SVIL: variants seen among roughly 807,000 people sequenced by gnomAD.
SVIL encodes the protein supervillin.
In SVIL, 101 loss-of-function variants were observed where a neutral mutation model predicts 240.4. The ratio of observed to expected loss-of-function variants is 0.42; its 90% CI spans 0.36 to 0.50. The LOEUF is 0.50. Ranked by LOEUF, SVIL falls within the 20% of genes least tolerant of loss-of-function variation. SVIL has a pLI of 0.01. For synonymous variants in SVIL, 999 were observed against 1,100.0 expected, an observed-to-expected ratio of 0.91 and a Z score of 1.82; for missense variants, 2,512 against 2,818.7, an observed-to-expected ratio of 0.89 and a Z score of 2.46.
intron 15 of SVIL, 70 bp from the exon 16 acceptor site, chr10:29,522,705 A>T (rs748246492): frequency 1.7e-5 from 25 of 1,512,938 alleles, no homozygotes; most frequent in Non-Finnish European, 2.2e-5. Flanking sequence ...TTCGCCCTCA[A>T]CAGTGCAGCT....
chr10:29,644,509 C>G (rs1280189344), intron 3 of SVIL, among the ~76,000 whole-genome samples: 1 of 152,110 alleles, frequency 6.6e-6, no homozygotes, highest in Non-Finnish European at 1.5e-5. Flanking sequence ...TGGCTATGCA[C>G]TCGGCCAACC....
chr10:29,495,211 A>G (rs1223576121), intron 18 of SVIL, 30 bp from the exon 19 acceptor site: 2 of 1,296,476 alleles, frequency 1.5e-6, no homozygotes, highest in Non-Finnish European at 2.2e-6. Context: ...GCTACTGAGC[A>G]TCTCAGGGTC....
chr10:29,552,680 C>T (rs1163104718), intron 5 of SVIL, among the ~76,000 whole-genome samples: 4 of 152,104 alleles, frequency 2.6e-5, no homozygotes, highest in Non-Finnish European at 4.4e-5. Flanking sequence ...TCCCATACGG[C>T]CTTTTTCATT....
At chr10:29,651,618 T>TTCTCTCTCTCTCTCTCTCTCTCTCTC (rs9299622) in intron 3 of SVIL, among the ~76,000 whole-genome samples, 9 of 135,426 alleles carry the variant, frequency 6.6e-5, no homozygotes, top group African/African-American at 1.7e-4. Flanking sequence ...GCCACATGCA[T>TTCTCTCTCTCTCTCTCTCTCTCTCTC]TCTCTCTCTC....
chr10:29,701,526 G>A (rs1208232996), intron 1 of SVIL, among the ~76,000 whole-genome samples: 2 of 151,922 alleles, frequency 1.3e-5, no homozygotes, highest in Non-Finnish European at 2.9e-5. Context: ...ATTGAAATAG[G>A]GAAATAAAAT....
At chr10:29,724,535 A>T (rs1964177519) in intron 1 of SVIL, among the ~76,000 whole-genome samples, 1 of 152,064 alleles carries the variant, frequency 6.6e-6, no homozygotes, top group Admixed American at 6.6e-5. Flanking sequence ...ACTATTTTTT[A>T]AAAAATAATT....
intron 6 of SVIL, among the ~76,000 whole-genome samples, chr10:29,546,438 C>T (rs944606922): frequency 6.6e-6 from 1 of 152,152 alleles, no homozygotes; most frequent in Non-Finnish European, 1.5e-5. Flanking sequence ...AGTTAAAAAT[C>T]CTGTAATATC....
rs73596037 is a variant in SVIL at position 29,509,892 on chromosome 10, C to A, written c.3516+2843G>T. Among the ~76,000 whole-genome samples the A allele has an allele frequency of 6.6e-3, 1,010 of 152,248 alleles. 10 individuals carry two copies. Among genetic ancestry groups the A allele is most frequent in the African/African-American group, 0.023 (954 of 41,550 alleles). On this transcript the variant is annotated intron_variant, in intron 17 of 37. Coordinates refer to ENST00000355867, the MANE Select transcript of SVIL (RefSeq NM_021738.3). ...AAAACTCCAGCTTAATATCTATTCA[C>A]AGGCCCAAAATTGTTTTTGTTTTTG...
intron 2 of SVIL, among the ~76,000 whole-genome samples, 192 bp from the exon 3 acceptor site, chr10:29,563,484 A>AT (rs1275965829): frequency 7.2e-5 from 11 of 152,122 alleles, no homozygotes; most frequent in Non-Finnish European, 1.5e-4. Context: ...TAAATATTTG[A>AT]TTTTTTGTGC....
intron 2 of SVIL, chr10:29,671,076 C>G (rs1036239887): frequency 6.6e-6 from 1 of 152,270 alleles, no homozygotes; most frequent in Non-Finnish European, 1.5e-5. Context: ...ACTGCAGGCA[C>G]CGACTTCACT....
At chr10:29,727,673 T>C (rs747346175) in intron 1 of SVIL, among the ~76,000 whole-genome samples, 1 of 150,522 alleles carries the variant, frequency 6.6e-6, no homozygotes, top group Middle Eastern at 3.4e-3. Flanking sequence ...TATTTCGGCA[T>C]GGGTAAACAT....
At chr10:29,515,378 A>G (rs1950139639) in intron 16 of SVIL, among the ~76,000 whole-genome samples, 1 of 152,250 alleles carries the variant, frequency 6.6e-6, no homozygotes, top group African/African-American at 2.4e-5. Flanking sequence ...TGAATGAGTC[A>G]GTTTTATCCT....
chr10:29,722,732 C>A (rs1320970549), intron 1 of SVIL, among the ~76,000 whole-genome samples: 1 of 152,280 alleles, frequency 6.6e-6, no homozygotes, highest in East Asian at 1.9e-4. Flanking sequence ...AAAACTCCAA[C>A]CCTAATTGGA....
chr10:29,605,286 C>T (rs904122763), intron 1 of SVIL, among the ~76,000 whole-genome samples: 1 of 152,192 alleles, frequency 6.6e-6, no homozygotes, highest in Non-Finnish European at 1.5e-5. Flanking sequence ...AGCTACATCA[C>T]CTTGAATCTA....
chr10:29,554,015 C>G (rs1461892855), intron 5 of SVIL, among the ~76,000 whole-genome samples: 1 of 152,022 alleles, frequency 6.6e-6, no homozygotes, highest in Non-Finnish European at 1.5e-5. Context: ...TTTGAGGGCC[C>G]CAGTCTAGGG....
rs755557748 is a variant in SVIL, at chr10:29,494,897, T to C, written c.3841+17A>G. On this transcript the variant is annotated intron_variant, in intron 20 of 37. Transcript: ENST00000355867. ...TAGAGATTCTGAGAGCAAAGCCTTC[T>C]GGCTTCCAGTAGGTACCTTTGTTAT... 5 of 1,608,312 alleles carry C rather than the reference T, an allele frequency of 3.1e-6. No individual in the cohort carries two copies. The South Asian group carries it at 3.3e-5, about 11-fold the overall frequency.
At chr10:29,478,420 AT>A (rs758515395) in intron 29 of SVIL, among the ~76,000 whole-genome samples, 1 of 152,160 alleles carries the variant, frequency 6.6e-6, no homozygotes, top group Non-Finnish European at 1.5e-5. Flanking sequence ...TAAACGTCAT[AT>A]ATACCTGATT....
chr10:29,629,658 T>G (rs991150520), intron 1 of SVIL, among the ~76,000 whole-genome samples: 2 of 149,686 alleles, frequency 1.3e-5, no homozygotes, highest in African/African-American at 4.9e-5. Flanking sequence ...TGAAGACAAT[T>G]GCACTAATAT....
At chr10:29,636,152 T>C (rs147387649), upstream of SVIL, among the ~76,000 whole-genome samples, 153 of 152,080 alleles carry the variant, frequency 1.0e-3, no homozygotes, top group African/African-American at 3.4e-3. Flanking sequence ...CAAAATTTCA[T>C]AGCATGGCTT....
Sources: allele counts gnomAD v4.1 joint callset (sites outside exome capture counted in the v4.1 genomes callset), GRCh38; gene constraint gnomAD v4.1.1; transcripts MANE v1.5; gene names NCBI Gene and HGNC (gene_info 2026-07-23, HGNC 2026-07-21).